SYCP1: variants seen among roughly 807,000 people sequenced by gnomAD.
The protein encoded by SYCP1 is synaptonemal complex protein 1.
SYCP1 carries 64 observed loss-of-function variants against 153.1 expected under a neutral mutation model. The observed-to-expected ratio is 0.42, with a 90% CI of 0.34 to 0.51. The LOEUF is 0.51. Among genes scored for constraint, SYCP1 ranks in the 20% least tolerant of loss-of-function variants. The pLI is 0.06. For synonymous variants in SYCP1, 384 were observed against 341.8 expected (o/e 1.12, Z -1.36); for missense variants, 997 against 1,049.0 (o/e 0.95, Z 0.68).
intron 15 of SYCP1, among the ~76,000 whole-genome samples, chr1:114,888,642 T>C (rs1666475928): frequency 1.3e-5 from 2 of 152,062 alleles, no homozygotes; most frequent in Non-Finnish European, 2.9e-5. Context: ...ACCATTCCAT[T>C]TTTTATTCTT....
intron 20 of SYCP1, among the ~76,000 whole-genome samples, chr1:114,920,082 G>T (rs1241224877): frequency 6.6e-6 from 1 of 151,654 alleles, no homozygotes; most frequent in East Asian, 1.9e-4. Flanking sequence ...GCATCATTAG[G>T]TTATTTGACT....
intron 25 of SYCP1, among the ~76,000 whole-genome samples, chr1:114,945,735 C>G (rs1670664733): frequency 1.3e-5 from 2 of 152,144 alleles, no homozygotes; most frequent in East Asian, 3.9e-4. Flanking sequence ...TCTCTGATAA[C>G]TTTCTTTGAG....
intron 29 of SYCP1, among the ~76,000 whole-genome samples, chr1:114,983,650 G>C (rs1570916143): frequency 6.6e-6 from 1 of 152,016 alleles, no homozygotes; most frequent in Non-Finnish European, 1.5e-5. Flanking sequence ...TAGAGCTAGA[G>C]CAGGGGATGG....
At chr1:114,951,950 C>G (rs967821562) in intron 27 of SYCP1, among the ~76,000 whole-genome samples, 6 of 152,102 alleles carry the variant, frequency 3.9e-5, no homozygotes, top group Non-Finnish European at 8.8e-5. Flanking sequence ...TTAGTCCAAC[C>G]TGAGTATATA....
rs375436670 is a variant in SYCP1 at position 114,881,056 on chromosome 1, T to TATATATACAC, written c.910+2855_910+2856insTATATACACA. On this transcript the variant is annotated intron_variant, in intron 12 of 31. Coordinates refer to ENST00000369522, the MANE Select transcript of SYCP1 (RefSeq NM_003176.4). The stretch of plus-strand genomic sequence containing the variant: ...TGAACAGTATTCCAATTTGTGTATA[T>TATATATACAC]ACACACACACACACACACACACACA... Among the ~76,000 whole-genome samples the TATATATACAC allele has an allele frequency of 6.5e-3, 949 of 145,028 alleles. 14 individuals carry two copies. Among genetic ancestry groups the TATATATACAC allele is most frequent in the African/African-American group, 0.02 (784 of 38,260 alleles).
At chr1:114,951,527 G>A (rs1671104556) in intron 27 of SYCP1, among the ~76,000 whole-genome samples, 1 of 152,148 alleles carries the variant, frequency 6.6e-6, no homozygotes, top group Non-Finnish European at 1.5e-5. Flanking sequence ...AAAACAGACT[G>A]AAAAACATTT....
intron 27 of SYCP1, among the ~76,000 whole-genome samples, chr1:114,967,270 G>A (rs553151440): frequency 2.0e-5 from 3 of 152,086 alleles, no homozygotes; most frequent in African/African-American, 7.2e-5. Context: ...TATTGACAGT[G>A]GAGTGTTAAA....
In SYCP1 at chr1:114,887,650, G is replaced by T; in HGVS notation, c.1215G>T (p.Leu405Phe). Residue 405 changes from leucine (L) to phenylalanine (F), a missense_variant, in exon 15 of 32, where the codon TTG (leucine) becomes TTT (phenylalanine). Around this residue, in one of 2 missense-constraint regions of SYCP1, gnomAD observed 712 missense variants for 682.9 expected, o/e 1.04. Coordinates refer to ENST00000369522, the MANE Select transcript of SYCP1 (RefSeq NM_003176.4). ...QQRLEKNEDQ[L>F]KILTMELQKK... is the part of the protein sequence containing the mutation. The stretch of plus-strand genomic sequence containing the variant: ...GATTGGAAAAAAATGAAGATCAATT[G>T]AAAATACTTACCATGGAGCTTCAAA... 1.3e-6 allele frequency: 2 copies of T among 1,566,568 alleles called. No homozygotes were observed. The highest frequency in any genetic ancestry group is 1.2e-5 in the South Asian group (1 of 82,284).
chr1:114,861,966 A>AT (rs1664408902), intron 8 of SYCP1, among the ~76,000 whole-genome samples: 1 of 151,228 alleles, frequency 6.6e-6, no homozygotes, highest in East Asian at 2.0e-4. Flanking sequence ...CACCCAGCTA[A>AT]TTTTTTGTAT....
chr1:114,988,372 T>C (rs1299382169), intron 30 of SYCP1, among the ~76,000 whole-genome samples: 2 of 151,924 alleles, frequency 1.3e-5, no homozygotes, highest in Non-Finnish European at 2.9e-5. Context: ...CATTTTATAA[T>C]CAAACTGTTG....
intron 30 of SYCP1, among the ~76,000 whole-genome samples, chr1:114,991,675 A>G (rs1033802693): frequency 1.7e-4 from 26 of 151,962 alleles, no homozygotes; most frequent in African/African-American, 6.3e-4. Context: ...AAGGGTATTT[A>G]TGGAAACCCC....
rs760017420 is a variant in SYCP1, at chr1:114,981,515, T to C, written c.2559+3T>C. On this transcript the variant is annotated splice_donor_region_variant and intron_variant, in intron 29 of 31. Transcript: ENST00000369522. ...CTTTATCTACACCATTGCCAAAGGT[T>C]TGTGTCTAAATTTTCCATGTTAGTA... 6.3e-7 allele frequency: 1 copy of C among 1,578,588 alleles called. No individual in the cohort carries two copies. The highest frequency in any genetic ancestry group is 2.0e-5 in the Admixed American group (1 of 49,436).
chr1:114,891,470 T>C (rs1207866473), intron 15 of SYCP1, among the ~76,000 whole-genome samples: 2 of 152,228 alleles, frequency 1.3e-5, no homozygotes, highest in Non-Finnish European at 2.9e-5. Context: ...TACTTAGATA[T>C]CAGTTATCTT....
At chr1:114,936,760 C>T (rs546462254) in intron 23 of SYCP1, among the ~76,000 whole-genome samples, 19 of 152,170 alleles carry the variant, frequency 1.2e-4, no homozygotes, top group South Asian at 6.2e-4. Flanking sequence ...ACACCAATAA[C>T]GGAGAGCCAA....
chr1:114,886,500 A>G (rs1370537488), intron 14 of SYCP1, among the ~76,000 whole-genome samples, 191 bp downstream of exon 14: 1 of 152,148 alleles, frequency 6.6e-6, no homozygotes, highest in Admixed American at 6.5e-5. Flanking sequence ...TTAGGAAAAG[A>G]TGTAAAAGAA....
intron 15 of SYCP1, among the ~76,000 whole-genome samples, chr1:114,893,137 TGGA>T (rs1289073373): frequency 6.6e-6 from 1 of 152,238 alleles, no homozygotes; most frequent in African/African-American, 2.4e-5. Flanking sequence ...TTATTCTTTG[TGGA>T]GGAGGTGAGT....
rs368738321 is a variant in SYCP1 at position 114,936,985 on chromosome 1, G to A, written c.1927-7354G>A. Among the ~76,000 whole-genome samples, 39 of 152,088 alleles carry A rather than the reference G, an allele frequency of 2.6e-4. 1 individual carries two copies. Among genetic ancestry groups the A allele is most frequent in the African/African-American group, 9.2e-4 (38 of 41,488 alleles). On this transcript the variant is annotated intron_variant, in intron 23 of 31. Transcript: ENST00000369522. ...CCATACTGCCCAAGGTAATTTATAG[G>A]TTCAATGCCATCCCCATCAAGCTAC...
At chr1:114,899,868 G>A (rs910777217) in intron 16 of SYCP1, among the ~76,000 whole-genome samples, 3 of 152,126 alleles carry the variant, frequency 2.0e-5, no homozygotes, top group Admixed American at 6.5e-5. Context: ...CTGAAGCATC[G>A]GAAAAGCCTG....
chr1:114,892,303 G>T (rs182142153), intron 15 of SYCP1, among the ~76,000 whole-genome samples: 17 of 152,236 alleles, frequency 1.1e-4, no homozygotes, highest in African/African-American at 3.4e-4. Flanking sequence ...GTTGTGGTGA[G>T]CTGGGAGAGC....
Sources: gnomAD v4.1 joint callset for allele counts (sites outside exome capture counted in the v4.1 genomes callset) on GRCh38, gnomAD v4.1.1 for gene constraint, gnomAD v4.1.1 regional missense constraint, MANE v1.5 for transcripts, NCBI Gene and HGNC (gene_info 2026-07-23, HGNC 2026-07-21) for gene names.